Variants in IL23R observed in about 807,000 individuals in gnomAD.
The protein encoded by IL23R is interleukin-23 receptor.
A neutral mutation model predicts 56.9 loss-of-function variants in IL23R; 34 were observed. The ratio of observed to expected loss-of-function variants is 0.60; its 90% confidence interval spans 0.45 to 0.80. The LOEUF (loss-of-function observed/expected upper bound fraction) is 0.80, where lower values mean the gene tolerates loss of function less well. IL23R is among the 30% of genes least tolerant of loss of function. IL23R has a pLI of 0.00. For synonymous variants in IL23R, 230 were observed against 249.2 expected (o/e 0.92, Z 0.73); for missense variants, 635 against 730.0 (o/e 0.87, Z 1.50).
At chr1:67,248,915 G>A (rs1652428983) in intron 9 of IL23R, among the ~76,000 whole-genome samples, 1 of 152,122 alleles carries the variant, frequency 6.6e-6, no homozygotes, top group South Asian at 2.1e-4. Context: ...ACTAGGAAAG[G>A]GAAATCCCCC....
chr1:67,250,872 GC>G (rs1652558679), intron 9 of IL23R, among the ~76,000 whole-genome samples: 1 of 152,218 alleles, frequency 6.6e-6, no homozygotes, highest in African/African-American at 2.4e-5. Context: ...AGGAAAACAT[GC>G]AGTTTCTGGG....
chr1:67,147,561 G>A (rs1050397602), intron 1 of IL23R, among the ~76,000 whole-genome samples: 4 of 151,994 alleles, frequency 2.6e-5, no homozygotes, highest in African/African-American at 7.2e-5. Flanking sequence ...TTAGCCAGGC[G>A]TGTTGGCAGG....
At chr1:67,232,892 A>T (rs1448735605) in intron 7 of IL23R, among the ~76,000 whole-genome samples, 1 of 151,778 alleles carries the variant, frequency 6.6e-6, no homozygotes, top group Non-Finnish European at 1.5e-5. Flanking sequence ...TTCTCATGAG[A>T]TATGATGGTT....
chr1:67,189,367 A>G (rs1647579452), intron 4 of IL23R, among the ~76,000 whole-genome samples: 1 of 152,194 alleles, frequency 6.6e-6, no homozygotes, highest in Non-Finnish European at 1.5e-5. Context: ...AAGGTCATAT[A>G]TATTTTATAA....
intron 9 of IL23R, among the ~76,000 whole-genome samples, chr1:67,246,426 C>T (rs1177464333): frequency 6.6e-6 from 1 of 152,150 alleles, no homozygotes; most frequent in East Asian, 1.9e-4. Context: ...TTAGATCTTT[C>T]CAGCTTTGTG....
At chr1:67,213,528 G>A (rs1351050237) in intron 6 of IL23R, among the ~76,000 whole-genome samples, 2 of 152,164 alleles carry the variant, frequency 1.3e-5, no homozygotes, top group African/African-American at 4.8e-5. Flanking sequence ...CCATGTTTCA[G>A]GCAATGATGG....
chr1:67,162,703 C>T (rs1164101847), upstream of IL23R, among the ~76,000 whole-genome samples: 2 of 152,180 alleles, frequency 1.3e-5, no homozygotes, highest in Non-Finnish European at 2.9e-5. Flanking sequence ...GATTAATTAT[C>T]CAAGGAGCCC....
At position 67,248,978 on chromosome 1, in the gene IL23R, C is replaced by G. The variant is rs1049578076; in HGVS notation, c.1149-6859C>G. 3.9e-5 allele frequency among the ~76,000 whole-genome samples: 6 copies of G among 152,290 alleles called. No individual in the cohort carries two copies. In the South Asian group the frequency reaches 1.2e-3, roughly 32 times the overall value. On this transcript the variant is annotated intron_variant, in intron 9 of 10. Transcript: ENST00000347310. ...ATGCCCCACCCTGCTTCAGCCCCCC[C>G]TCCATGAGCTGTACCCACTATCCAA...
At position 67,170,384 on chromosome 1, in the gene IL23R, CTG is replaced by C. The variant is rs540871721; in HGVS notation, c.367+750_367+751del. Among the ~76,000 whole-genome samples, 378 of 152,292 alleles carry C rather than the reference CTG, an allele frequency of 2.5e-3. 1 individual carries two copies. The highest frequency in any genetic ancestry group is 3.9e-3 in the Non-Finnish European group (266 of 68,024). On this transcript the variant is annotated intron_variant, in intron 3 of 10. Coordinates refer to ENST00000347310, the MANE Select transcript of IL23R (RefSeq NM_144701.3). Reference sequence around the variant, plus strand: ...ATCTCACTATTCCAATTTAGAATCACTGTGTTTGTTATTGTAACTATTAATTT... The same window carrying C: ...ATCTCACTATTCCAATTTAGAATCACTGTTTGTTATTGTAACTATTAATTT...
chr1:67,235,905 G>T (rs147138671), intron 7 of IL23R, among the ~76,000 whole-genome samples: 1 of 152,280 alleles, frequency 6.6e-6, no homozygotes, highest in Non-Finnish European at 1.5e-5. Context: ...GGAATACACA[G>T]GGCTTGAAGC....
rs74080126 is a variant in IL23R, at chr1:67,172,147, C to T, written c.367+2509C>T. 3.5e-3 allele frequency among the ~76,000 whole-genome samples: 532 copies of T among 152,254 alleles called. 2 individuals carry two copies. The highest frequency in any genetic ancestry group is 0.012 in the African/African-American group (495 of 41,532). ...TGAATGTCTTCTTGAGCTCTACATT[C>T]TTAGCAAACAAAACTTCCTATTTAA... On this transcript the variant is annotated intron_variant, in intron 3 of 10. Transcript: ENST00000347310.
intron 4 of IL23R, among the ~76,000 whole-genome samples, chr1:67,185,643 G>A (rs1209130103): frequency 1.3e-5 from 2 of 152,082 alleles, no homozygotes; most frequent in African/African-American, 4.8e-5. Flanking sequence ...TTTTGATTAA[G>A]TGAAACCTAA....
chr1:67,157,918 A>G (rs1009472410), intron 1 of IL23R, among the ~76,000 whole-genome samples: 1 of 152,220 alleles, frequency 6.6e-6, no homozygotes, highest in Non-Finnish European at 1.5e-5. Flanking sequence ...TTACACACTC[A>G]AGAAATATTT....
intron 1 of IL23R, among the ~76,000 whole-genome samples, chr1:67,149,331 G>A (rs1646708499): frequency 6.6e-6 from 1 of 152,168 alleles, no homozygotes; most frequent in African/African-American, 2.4e-5. Flanking sequence ...GATTTGCAGT[G>A]AGAAAGAAGT....
chr1:67,148,425 G>A (rs951620621), intron 1 of IL23R, among the ~76,000 whole-genome samples: 20 of 152,224 alleles, frequency 1.3e-4, no homozygotes, highest in Admixed American at 1.1e-3. Context: ...CCCGCTATGC[G>A]CTCAGGCGAT....
At chr1:67,252,124 G>C (rs529431034) in intron 9 of IL23R, among the ~76,000 whole-genome samples, 1 of 151,824 alleles carries the variant, frequency 6.6e-6, no homozygotes. Context: ...TGCCTCCCAA[G>C]CCTAATGTAT....
intron 6 of IL23R, among the ~76,000 whole-genome samples, chr1:67,210,493 C>T (rs1649384646): frequency 6.6e-6 from 1 of 151,268 alleles, no homozygotes; most frequent in African/African-American, 2.4e-5. Context: ...GATAGACTCT[C>T]ACTTCATCAC....
At position 67,258,519 on chromosome 1, in the gene IL23R, C is replaced by G; in HGVS notation, c.1281C>G (p.Val427=). The stretch of plus-strand genomic sequence containing the variant: ...TGAATAATAATTCCAGTGAGCAGGT[C>G]CTATATGTTGATCCCATGATTACAG... ...ELMNNNSSEQ[V]LYVDPMITEI... The change falls in exon 11 of 11, where the codon GTC becomes GTG. Residue 427 remains valine, a synonymous_variant. Coordinates refer to ENST00000347310, the MANE Select transcript of IL23R (RefSeq NM_144701.3). 1 of 1,605,944 alleles carries G rather than the reference C, an allele frequency of 6.2e-7. No homozygotes were observed. Among genetic ancestry groups the G allele is most frequent in the Non-Finnish European group, 8.5e-7 (1 of 1,175,924 alleles).
chr1:67,173,346 C>G, intron 3 of IL23R, among the ~76,000 whole-genome samples: 1 of 152,008 alleles, frequency 6.6e-6, no homozygotes, highest in Non-Finnish European at 1.5e-5. Context: ...ATTTGTAACC[C>G]CAAGAATTCA....
Sources: gnomAD v4.1 joint callset for allele counts (sites outside exome capture counted in the v4.1 genomes callset) on GRCh38, gnomAD v4.1.1 for gene constraint, MANE v1.5 for transcripts, NCBI Gene and HGNC (gene_info 2026-07-23, HGNC 2026-07-21) for gene names.